SYN3: variants seen among roughly 807,000 people sequenced by gnomAD.
SYN3 encodes the protein synapsin-3.
In SYN3, 35 loss-of-function variants were observed where a neutral mutation model predicts 65.8. That is an observed-to-expected ratio of 0.53 (90% CI 0.41 to 0.70). The LOEUF (loss-of-function observed/expected upper bound fraction) is 0.70, where lower values mean the gene tolerates loss of function less well. Among genes scored for constraint, SYN3 ranks in the 30% least tolerant of loss-of-function variants. The pLI, the probability that SYN3 is intolerant of heterozygous loss-of-function variation, is 0.00. For missense variants in SYN3, 680 were observed against 749.0 expected (o/e 0.91, Z 1.08); for synonymous variants, 270 against 292.9 (o/e 0.92, Z 0.80).
At chr22:32,883,890 T>C (rs1436037301) in intron 4 of SYN3, among the ~76,000 whole-genome samples, 4 of 152,224 alleles carry the variant, frequency 2.6e-5, no homozygotes, top group African/African-American at 2.4e-5. Flanking sequence ...TAGTAGAATC[T>C]TGGTATCTCC....
At chr22:32,580,011 C>G (rs2058914184) in intron 7 of SYN3, among the ~76,000 whole-genome samples, 1 of 152,252 alleles carries the variant, frequency 6.6e-6, no homozygotes, top group African/African-American at 2.4e-5. Context: ...CTTTCTCTTC[C>G]CAGGCTTCTG....
intron 4 of SYN3, among the ~76,000 whole-genome samples, chr22:32,891,324 G>C (rs2049440098): frequency 2.0e-5 from 3 of 152,110 alleles, no homozygotes; most frequent in Non-Finnish European, 2.9e-5. Flanking sequence ...GCACCTTTCT[G>C]CATAAAATCC....
At chr22:32,688,985 T>G (rs2060628557) in intron 6 of SYN3, among the ~76,000 whole-genome samples, 1 of 152,238 alleles carries the variant, frequency 6.6e-6, no homozygotes, top group African/African-American at 2.4e-5. Context: ...AGCCTCAATT[T>G]CTTTAATTGC....
At chr22:32,876,068 T>C (rs547167123) in intron 4 of SYN3, among the ~76,000 whole-genome samples, 2 of 152,270 alleles carry the variant, frequency 1.3e-5, no homozygotes, top group East Asian at 3.9e-4. Flanking sequence ...TAGAACAAAA[T>C]ACTATAGACT....
At chr22:32,537,423 T>C (rs546934799) in intron 9 of SYN3, among the ~76,000 whole-genome samples, 1 of 152,252 alleles carries the variant, frequency 6.6e-6, no homozygotes, top group African/African-American at 2.4e-5. Flanking sequence ...CCTCCCAAAA[T>C]GCTGGGATTA....
intron 6 of SYN3, among the ~76,000 whole-genome samples, chr22:32,699,265 C>T (rs887359794): frequency 3.3e-5 from 5 of 152,304 alleles, no homozygotes; most frequent in Non-Finnish European, 4.4e-5. Flanking sequence ...GTGGACAGCC[C>T]CTGGCATGTA....
Position 33,018,999 on chromosome 22 carries a change from C to G in SYN3, c.-162-12175G>C, listed in dbSNP as rs142306678. Among the ~76,000 whole-genome samples, 7 of 152,280 alleles carry G rather than the reference C, an allele frequency of 4.6e-5. No individual in the cohort carries two copies. The East Asian group carries it at 5.8e-4, about 13-fold the overall frequency. On this transcript the variant is annotated intron_variant, in intron 1 of 13. Transcript: ENST00000358763. The stretch of plus-strand genomic sequence containing the variant: ...ACTTGGTTCACGTGCTGCTAAAGCT[C>G]TCTCCCCTTGCCTATTACAACAGGC...
intron 6 of SYN3, 87 bp downstream of exon 6, chr22:32,864,828 C>T: frequency 8.0e-7 from 1 of 1,252,654 alleles, no homozygotes; most frequent in South Asian, 1.2e-5. Context: ...CCCTAGAGTC[C>T]ACCTCCTCCA....
chr22:32,765,758 G>T (rs979202481), intron 6 of SYN3, among the ~76,000 whole-genome samples: 2 of 152,148 alleles, frequency 1.3e-5, no homozygotes, highest in Non-Finnish European at 2.9e-5. Flanking sequence ...CAGAGACAAA[G>T]ATTGGGTGTT....
At chr22:32,683,225 C>T (rs2060546917) in intron 6 of SYN3, among the ~76,000 whole-genome samples, 1 of 152,140 alleles carries the variant, frequency 6.6e-6, no homozygotes, top group Non-Finnish European at 1.5e-5. Flanking sequence ...GCTCTTTCTT[C>T]TGCGGAGGGG....
At chr22:32,787,597 C>T (rs130554) in intron 6 of SYN3, among the ~76,000 whole-genome samples, 142,280 of 152,270 alleles carry the variant, frequency 0.93, 66,565 homozygotes, top group East Asian at 0.96. Flanking sequence ...TCTGGGATAC[C>T]GGGGACAGAG....
intron 6 of SYN3, among the ~76,000 whole-genome samples, chr22:32,690,161 G>A (rs1344319537): frequency 1.3e-5 from 2 of 152,170 alleles, no homozygotes; most frequent in East Asian, 3.9e-4. Context: ...GGCCAACAGA[G>A]CGAGACTGTC....
At position 32,993,778 on chromosome 22, in the gene SYN3, T is replaced by C. The variant is rs147524783; in HGVS notation, c.311+12574A>G. Among the ~76,000 whole-genome samples the C allele has an allele frequency of 1.6e-4, 24 of 152,224 alleles. 1 individual carries two copies. In the East Asian group the frequency reaches 3.9e-3, roughly 24 times the overall value. On this transcript the variant is annotated intron_variant, in intron 2 of 13. Coordinates refer to ENST00000358763, the MANE Select transcript of SYN3 (RefSeq NM_003490.4). ...CCTAGGCCAACCTCACTGTTTCACA[T>C]AGGAGAAACAGAGGCCAGAGAAGGT...
At chr22:32,839,023 G>A (rs1470323727) in intron 6 of SYN3, among the ~76,000 whole-genome samples, 2 of 151,772 alleles carry the variant, frequency 1.3e-5, no homozygotes, top group Non-Finnish European at 2.9e-5. Flanking sequence ...GCTTCCTGGA[G>A]GAGGTAGCAT....
chr22:33,001,015 G>A (rs1195143470), intron 2 of SYN3, among the ~76,000 whole-genome samples: 3 of 152,180 alleles, frequency 2.0e-5, no homozygotes, highest in Admixed American at 1.3e-4. Flanking sequence ...TAGGAAGTTC[G>A]TGAAGAATCT....
intron 6 of SYN3, among the ~76,000 whole-genome samples, chr22:32,739,173 C>CGGG (rs367627898): frequency 6.2e-5 from 8 of 128,318 alleles, no homozygotes; most frequent in Admixed American, 2.3e-4. Context: ...AATTGAATCA[C>CGGG]AGGGGGGGGG....
At chr22:32,537,741 A>G (rs963715837) in intron 9 of SYN3, among the ~76,000 whole-genome samples, 15 of 152,284 alleles carry the variant, frequency 9.9e-5, no homozygotes, top group Admixed American at 9.8e-4. Context: ...TCGGACTTGG[A>G]GTCATGACAT....
At chr22:32,585,702 T>C (rs1038337551) in intron 7 of SYN3, among the ~76,000 whole-genome samples, 2 of 152,074 alleles carry the variant, frequency 1.3e-5, no homozygotes, top group Non-Finnish European at 2.9e-5. Flanking sequence ...ATCTAGATGG[T>C]CCTGCCTTCA....
At chr22:32,827,049 G>A (rs901711322) in intron 6 of SYN3, among the ~76,000 whole-genome samples, 1 of 152,176 alleles carries the variant, frequency 6.6e-6, no homozygotes, top group Non-Finnish European at 1.5e-5. Flanking sequence ...TGGAATGCTG[G>A]AGTTTTGCTG....
Sources: gnomAD v4.1 joint callset for allele counts (sites outside exome capture counted in the v4.1 genomes callset) on GRCh38, gnomAD v4.1.1 for gene constraint, MANE v1.5 for transcripts, NCBI Gene and HGNC (gene_info 2026-07-23, HGNC 2026-07-21) for gene names.